DIP2A: variants seen among roughly 807,000 people sequenced by gnomAD.
The protein encoded by DIP2A is DIP2 acetate--CoA ligase A.
DIP2A carries 85 observed loss-of-function variants against 177.4 expected under a neutral mutation model. The ratio of observed to expected loss-of-function variants is 0.48; its 90% CI spans 0.40 to 0.57. DIP2A has a LOEUF of 0.57. Among genes scored for constraint, DIP2A ranks in the 20% least tolerant of loss-of-function variants. The probability of loss-of-function intolerance (pLI) is 0.00; values close to 1 mark genes in which losing one functional copy is unlikely to be tolerated. For missense variants in DIP2A, 1,791 were observed against 2,100.2 expected, an observed-to-expected ratio of 0.85 and a Z score of 2.88; for synonymous variants, 886 against 881.8, an observed-to-expected ratio of 1.00 and a Z score of -0.08.
downstream of DIP2A, among the ~76,000 whole-genome samples, chr21:46,573,138 TA>T (rs111679229): frequency 2.7e-5 from 4 of 150,242 alleles, no homozygotes; most frequent in East Asian, 1.9e-4. Context: ...AATGTTTCAT[TA>T]AAAAAAAACA....
intron 6 of DIP2A, among the ~76,000 whole-genome samples, chr21:46,508,868 A>G (rs540544057): frequency 3.3e-5 from 5 of 151,830 alleles, no homozygotes; most frequent in South Asian, 2.1e-4. Flanking sequence ...TAAAAATACA[A>G]ATTAGCCAGG....
chr21:46,478,762 A>G (rs62225660), intron 1 of DIP2A, among the ~76,000 whole-genome samples: 3 of 151,474 alleles, frequency 2.0e-5, no homozygotes, highest in Non-Finnish European at 2.9e-5. Flanking sequence ...TTTTTTTTAA[A>G]TTCACAATCC....
At chr21:46,494,551 A>G (rs1352320609) in intron 3 of DIP2A, among the ~76,000 whole-genome samples, 2 of 152,358 alleles carry the variant, frequency 1.3e-5, no homozygotes, top group East Asian at 3.9e-4. Flanking sequence ...CTCAAAGGCC[A>G]GAATATTTCC....
At chr21:46,529,296 G>A in intron 9 of DIP2A, 113 bp downstream of exon 9, 1 of 733,832 alleles carries the variant, frequency 1.4e-6, no homozygotes, top group Non-Finnish European at 2.2e-6. Flanking sequence ...ATTAATACAA[G>A]GGATTTAAAA....
At chr21:46,463,891 G>A (rs1461945798) in intron 1 of DIP2A, among the ~76,000 whole-genome samples, 1 of 151,566 alleles carries the variant, frequency 6.6e-6, no homozygotes, top group African/African-American at 2.4e-5. Flanking sequence ...TGTATCTTTA[G>A]TAGAGACAGG....
intron 8 of DIP2A, among the ~76,000 whole-genome samples, chr21:46,527,325 G>GTTTTTTTTTTTTTTTTTTTTTTTTTTT (rs58453285): frequency 9.5e-6 from 1 of 105,586 alleles, no homozygotes; most frequent in Non-Finnish European, 1.8e-5. Flanking sequence ...TTGAGTTGAG[G>GTTTTTTTTTTTTTTTTTTTTTTTTTTT]TTTTTTTTTT....
chr21:46,546,069 C>T (rs2148841147), intron 20 of DIP2A, 108 bp downstream of exon 20: 1 of 1,580,592 alleles, frequency 6.3e-7, no homozygotes, highest in East Asian at 2.3e-5. Flanking sequence ...CCTGACCTCC[C>T]ATGTGGCCTT....
chr21:46,554,498 C>G (rs1487663103), intron 26 of DIP2A, 77 bp from the exon 27 acceptor site: 19 of 1,574,592 alleles, frequency 1.2e-5, no homozygotes, highest in Admixed American at 1.8e-5. Flanking sequence ...CCCCTCCTCT[C>G]TCGCAGGAAC....
In DIP2A at chr21:46,556,895, A is replaced by C. The variant is rs1447161922; in HGVS notation, c.3499-44A>C. Reference sequence around the variant, plus strand: ...TGCCATCCACCCTCTCCCCTCCTGAATTTCATTTCACTTTTTTTTTTTGAA... The same window carrying C: ...TGCCATCCACCCTCTCCCCTCCTGACTTTCATTTCACTTTTTTTTTTTGAA... On this transcript the variant is annotated intron_variant, in intron 29 of 37. Coordinates refer to ENST00000417564, the MANE Select transcript of DIP2A (RefSeq NM_015151.4). This position sits in a 1 kb window ranked among gnomAD's most constrained non-coding sequence, Gnocchi z 4.5. 2 of 1,495,112 alleles carry C rather than the reference A, an allele frequency of 1.3e-6. No homozygotes were observed. Among genetic ancestry groups the C allele is most frequent in the Non-Finnish European group, 1.8e-6 (2 of 1,114,304 alleles). The allele number at this position is 1,495,112 out of a possible 1,614,324, so 92.6% of individuals were successfully genotyped here. A position where few individuals can be genotyped will look rare whatever the true frequency, so the allele number is the denominator to read the frequency against.
rs186996298 is a variant in DIP2A at position 46,461,131 on chromosome 21, C to G, written c.91+1909C>G. 2.0e-5 allele frequency among the ~76,000 whole-genome samples: 3 copies of G among 151,508 alleles called. No homozygotes were observed. The East Asian group carries it at 5.9e-4, about 30-fold the overall frequency. On this transcript the variant is annotated intron_variant, in intron 1 of 37. Coordinates refer to ENST00000417564, the MANE Select transcript of DIP2A (RefSeq NM_015151.4). ...TGGGTAACATAGCAAGACTCTGTCT[C>G]TACAGTATTAAAAAAAATTAGCTGG...
rs2058309311 is a variant in DIP2A, at chr21:46,511,467, G to C, written c.955G>C (p.Val319Leu). The C allele has an allele frequency of 6.2e-7, 1 of 1,613,246 alleles. No homozygotes were observed. Among genetic ancestry groups the C allele is most frequent in the East Asian group, 2.2e-5 (1 of 44,844 alleles). ...AAAGCCTGAGGGAAGCGAGACGAGT[G>C]TGCTGAGAGGGGAGCCTCTCACTGC... ...QPKPEGSETS[V>L]LRGEPLTAGV... The change falls in exon 8 of 38, where the codon GTG (valine) becomes CTG (leucine). Residue 319 changes from valine to leucine, a missense_variant. Physicochemically the swap from Val to Leu is conservative, Grantham distance 32. Coordinates refer to ENST00000417564, the MANE Select transcript of DIP2A (RefSeq NM_015151.4).
At chr21:46,540,677 G>T (rs2148813471) in intron 17 of DIP2A, among the ~76,000 whole-genome samples, 2 of 152,258 alleles carry the variant, frequency 1.3e-5, no homozygotes, top group Admixed American at 1.3e-4. Flanking sequence ...TTCATAAATG[G>T]TATGTGTTTC....
At chr21:46,477,612 C>T (rs1244614700) in intron 1 of DIP2A, among the ~76,000 whole-genome samples, 1 of 116,926 alleles carries the variant, frequency 8.6e-6, no homozygotes, top group Non-Finnish European at 1.8e-5. Context: ...CTTGTCCTGT[C>T]GCCCAGGCTG....
chr21:46,548,776 G>A (rs897157126), intron 21 of DIP2A, among the ~76,000 whole-genome samples: 9 of 152,166 alleles, frequency 5.9e-5, no homozygotes, highest in African/African-American at 2.2e-4. Context: ...GAGGAAGCAG[G>A]TGGTTGGGGT....
chr21:46,529,425 C>G (rs1470471431), intron 9 of DIP2A, among the ~76,000 whole-genome samples: 2 of 152,022 alleles, frequency 1.3e-5, no homozygotes, highest in African/African-American at 2.4e-5. Flanking sequence ...CATGGCAAAA[C>G]CCTGTCTCTA....
At chr21:46,460,312 C>G (rs1434680517) in intron 1 of DIP2A, among the ~76,000 whole-genome samples, 1 of 152,140 alleles carries the variant, frequency 6.6e-6, no homozygotes, top group African/African-American at 2.4e-5. Flanking sequence ...GGCCTGTGTC[C>G]TGATATTCCT....
chr21:46,464,457 CTCTA>C (rs754845447), intron 1 of DIP2A, among the ~76,000 whole-genome samples: 2 of 152,186 alleles, frequency 1.3e-5, no homozygotes, highest in African/African-American at 4.8e-5. Context: ...CCCAAATGCT[CTCTA>C]TCTTAGTCTA....
At chr21:46,566,196 A>G (rs543310564) in intron 36 of DIP2A, among the ~76,000 whole-genome samples, 3 of 152,112 alleles carry the variant, frequency 2.0e-5, no homozygotes, top group African/African-American at 7.2e-5. Context: ...TGGCTTCCCC[A>G]TGCACAACCC....
intron 35 of DIP2A, among the ~76,000 whole-genome samples, chr21:46,564,151 A>G (rs2060761301): frequency 6.6e-6 from 1 of 152,226 alleles, no homozygotes; most frequent in Admixed American, 6.5e-5. Context: ...CCTAACCAAG[A>G]GAGGGGAACC....
Sources: gnomAD v4.1 joint callset for allele counts (sites outside exome capture counted in the v4.1 genomes callset) on GRCh38, gnomAD v4.1.1 for gene constraint, Gnocchi (gnomAD v3.1) non-coding constraint, MANE v1.5 for transcripts, NCBI Gene and HGNC (gene_info 2026-07-23, HGNC 2026-07-21) for gene names.